Variants in GALNTL6 observed in about 807,000 individuals in gnomAD.
GALNTL6 encodes the protein polypeptide N-acetylgalactosaminyltransferase-like 6.
Under a neutral mutation model 73.7 loss-of-function variants are expected in GALNTL6, and 46 were observed. The ratio of observed to expected loss-of-function variants is 0.62; its 90% confidence interval spans 0.49 to 0.80. The LOEUF (loss-of-function observed/expected upper bound fraction) is 0.80. Among genes scored for constraint, GALNTL6 ranks in the 30% least tolerant of loss-of-function variants. The pLI, the probability that GALNTL6 is intolerant of heterozygous loss-of-function variation, is 0.00. For missense variants in GALNTL6, 604 were observed against 755.0 expected (o/e 0.80, Z 2.34); for synonymous variants, 259 against 263.7 (o/e 0.98, Z 0.17).
intron 8 of GALNTL6, among the ~76,000 whole-genome samples, chr4:172,925,188 T>G (rs1747992859): frequency 1.3e-5 from 2 of 149,068 alleles, no homozygotes; most frequent in African/African-American, 5.1e-5. Context: ...TTTTTTTTTT[T>G]TTAAAGTGAT....
At chr4:172,436,944 T>TTTTTAAAACAG (rs1731653419) in intron 5 of GALNTL6, among the ~76,000 whole-genome samples, 1 of 151,860 alleles carries the variant, frequency 6.6e-6, no homozygotes, top group Non-Finnish European at 1.5e-5. Flanking sequence ...TTTTAAAATA[T>TTTTTAAAACAG]GCTTTTTAAA....
At chr4:172,753,206 T>C (rs1737534770) in intron 5 of GALNTL6, among the ~76,000 whole-genome samples, 1 of 152,152 alleles carries the variant, frequency 6.6e-6, no homozygotes, top group Admixed American at 6.5e-5. Context: ...GCAAAAGCTC[T>C]CTTGCCTGCT....
chr4:172,139,399 G>A (rs1441087850), intron 2 of GALNTL6, among the ~76,000 whole-genome samples: 1 of 152,138 alleles, frequency 6.6e-6, no homozygotes, highest in Non-Finnish European at 1.5e-5. Context: ...ACACCTAGAT[G>A]TTTACACAAT....
intron 2 of GALNTL6, among the ~76,000 whole-genome samples, chr4:171,945,133 A>G (rs1738665226): frequency 1.3e-5 from 2 of 152,082 alleles, no homozygotes; most frequent in Non-Finnish European, 2.9e-5. Context: ...ATTTGAACAG[A>G]ATGTTTAAAA....
chr4:172,069,466 A>ATGTTATATGTATGAC (rs1731448772), intron 2 of GALNTL6, among the ~76,000 whole-genome samples: 1 of 42,980 alleles, frequency 2.3e-5, no homozygotes, highest in Non-Finnish European at 6.0e-5. Flanking sequence ...ACACACATAT[A>ATGTTATATGTATGAC]ACATATATGT....
At chr4:171,872,270 A>C (rs2110896724) in intron 2 of GALNTL6, among the ~76,000 whole-genome samples, 1 of 152,322 alleles carries the variant, frequency 6.6e-6, no homozygotes, top group Non-Finnish European at 1.5e-5. Context: ...CTATGGCCTA[A>C]GCCAGGTAGC....
chr4:172,197,953 C>CA (rs943123185), intron 2 of GALNTL6, among the ~76,000 whole-genome samples: 9 of 151,738 alleles, frequency 5.9e-5, no homozygotes, highest in East Asian at 5.8e-4. Context: ...ACTAAAAATA[C>CA]AAAAAAAATT....
At chr4:171,870,808 C>T (rs982250332) in intron 2 of GALNTL6, among the ~76,000 whole-genome samples, 3 of 152,084 alleles carry the variant, frequency 2.0e-5, no homozygotes, top group African/African-American at 7.2e-5. Context: ...AGCTATAAGC[C>T]AAGGATCTTC....
chr4:172,132,010 A>G (rs950518843), intron 2 of GALNTL6, among the ~76,000 whole-genome samples: 1 of 152,048 alleles, frequency 6.6e-6, no homozygotes. Flanking sequence ...TGAGCACTTA[A>G]AATTTTTTGT....
chr4:172,480,428 TTCTTA>T (rs1473314601), intron 5 of GALNTL6, among the ~76,000 whole-genome samples: 3 of 152,244 alleles, frequency 2.0e-5, no homozygotes, highest in South Asian at 2.1e-4. Context: ...TTTAAAGCTG[TTCTTA>T]TCTTATTAGA....
At chr4:172,704,231 T>G (rs1734194485) in intron 5 of GALNTL6, among the ~76,000 whole-genome samples, 1 of 151,896 alleles carries the variant, frequency 6.6e-6, no homozygotes, top group African/African-American at 2.4e-5. Flanking sequence ...TTCCACTAAC[T>G]GGGGGTTTGG....
chr4:171,922,173 A>T lies in GALNTL6; in HGVS notation c.138+107455A>T, dbSNP rs113421647. Among the ~76,000 whole-genome samples, 1,417 of 151,936 alleles carry T rather than the reference A, an allele frequency of 9.3e-3. 29 individuals carry two copies. The highest frequency in any genetic ancestry group is 0.033 in the African/African-American group (1,350 of 41,480). ...ACTGGTTTTTCTTTTGTTTCCTTTC[A>T]TGGGGCTGGGCCAATAAGCTTCTTA... On this transcript the variant is annotated intron_variant, in intron 2 of 12. Transcript: ENST00000506823.
intron 2 of GALNTL6, among the ~76,000 whole-genome samples, chr4:172,008,438 A>G (rs1740900452): frequency 1.3e-5 from 2 of 151,586 alleles, no homozygotes; most frequent in Non-Finnish European, 2.9e-5. Flanking sequence ...ATTTGGTTTG[A>G]TTTGTTTCTG....
chr4:172,773,600 C>A (rs199900073), intron 5 of GALNTL6, among the ~76,000 whole-genome samples: 22 of 145,722 alleles, frequency 1.5e-4, no homozygotes, highest in Non-Finnish European at 1.4e-4. Flanking sequence ...ATTCAGTGAC[C>A]AAAAAAAAAA....
At chr4:173,013,992 C>T (rs1752669510) in intron 11 of GALNTL6, among the ~76,000 whole-genome samples, 1 of 150,812 alleles carries the variant, frequency 6.6e-6, no homozygotes, top group Non-Finnish European at 1.5e-5. Context: ...AATTCAAAAA[C>T]ATTCAAAAAA....
At chr4:172,005,472 G>C (rs981942521) in intron 2 of GALNTL6, among the ~76,000 whole-genome samples, 1 of 152,108 alleles carries the variant, frequency 6.6e-6, no homozygotes, top group Non-Finnish European at 1.5e-5. Flanking sequence ...TTAAAAACAG[G>C]AAAAGAGTAA....
intron 5 of GALNTL6, among the ~76,000 whole-genome samples, chr4:172,622,763 G>A (rs1739013317): frequency 6.6e-6 from 1 of 152,122 alleles, no homozygotes; most frequent in African/African-American, 2.4e-5. Flanking sequence ...TGTGTGCCAG[G>A]TACAGTAGAA....
In GALNTL6 at chr4:171,861,932, T is replaced by C. The variant is rs115903353; in HGVS notation, c.138+47214T>C. ...CACTGGCCACTAATAGTGTTTACTA[T>C]GATCAATTTTATTAAAGGCTTTGCT... is the stretch of plus-strand genomic sequence containing the variant. On this transcript the variant is annotated intron_variant, in intron 2 of 12. Coordinates refer to ENST00000506823, the MANE Select transcript of GALNTL6 (RefSeq NM_001034845.3). 6.1e-3 allele frequency among the ~76,000 whole-genome samples: 934 copies of C among 152,288 alleles called. 12 individuals carry two copies. Among genetic ancestry groups the C allele is most frequent in the African/African-American group, 0.021 (864 of 41,576 alleles).
Position 173,040,179 on chromosome 4 carries a change from G to A in GALNTL6, c.*79G>A. On this transcript the variant is annotated 3_prime_UTR_variant, in exon 13 of 13. Transcript: ENST00000506823. ...CCAGCATCTGGGTCGAAGGAGTCAG[G>A]AATAACATTTCCTCGATCCAGGAAG... 1 of 1,084,560 alleles carries A rather than the reference G, an allele frequency of 9.2e-7. No homozygotes were observed. Among genetic ancestry groups the A allele is most frequent in the Non-Finnish European group, 1.3e-6 (1 of 751,032 alleles). The allele number at this position is 1,084,560 out of a possible 1,614,324, so 67.2% of individuals were successfully genotyped here.
Sources: gnomAD v4.1 joint callset for allele counts (sites outside exome capture counted in the v4.1 genomes callset) on GRCh38, gnomAD v4.1.1 for gene constraint, MANE v1.5 for transcripts, NCBI Gene and HGNC (gene_info 2026-07-23, HGNC 2026-07-21) for gene names.